SDC4: variants seen among roughly 807,000 people sequenced by gnomAD.
The protein encoded by SDC4 is syndecan 4, also known as syndecan-4.
A neutral mutation model predicts 20.5 loss-of-function variants in SDC4; 17 were observed. The ratio of observed to expected loss-of-function variants is 0.83; its 90% confidence interval spans 0.57 to 1.25. The LOEUF (loss-of-function observed/expected upper bound fraction) is 1.25. Ranked by LOEUF, SDC4 falls within the 50% of genes most tolerant of loss-of-function variation. The pLI, the probability that SDC4 is intolerant of heterozygous loss-of-function variation, is 0.00. For missense variants in SDC4, 241 were observed against 252.3 expected (o/e 0.96, Z 0.30); for synonymous variants, 107 against 105.3 (o/e 1.02, Z -0.10).
chr20:45,344,268 T>C lies in SDC4; in HGVS notation c.60+4057A>G, dbSNP rs1037952379. Among the ~76,000 whole-genome samples, 4 of 150,844 alleles carry C rather than the reference T, an allele frequency of 2.7e-5. No homozygotes were observed. The East Asian group carries it at 8.0e-4, about 30-fold the overall frequency. On this transcript the variant is annotated intron_variant, in intron 1 of 4. Transcript: ENST00000372733. Reference sequence around the variant, plus strand: ...CAAGGGGCTGTGAAAGTGCGGGACCTAGTACAAACATGTCCTGTATGTCCC... The same window carrying C: ...CAAGGGGCTGTGAAAGTGCGGGACCCAGTACAAACATGTCCTGTATGTCCC...
chr20:45,340,147 T>C (rs1213154005), intron 1 of SDC4, among the ~76,000 whole-genome samples: 3 of 152,152 alleles, frequency 2.0e-5, no homozygotes, highest in East Asian at 3.9e-4. Flanking sequence ...CTTTTGGCTA[T>C]AGGCATGAAG....
At chr20:45,331,157 G>T (rs945891112) in intron 3 of SDC4, among the ~76,000 whole-genome samples, 1 of 152,142 alleles carries the variant, frequency 6.6e-6, no homozygotes, top group South Asian at 2.1e-4. Flanking sequence ...GGGATGAGAC[G>T]GAGGAGACTC....
chr20:45,332,862 C>A (rs112134371), intron 3 of SDC4, among the ~76,000 whole-genome samples, 161 bp downstream of exon 3: 6,366 of 152,328 alleles, frequency 0.042, 491 homozygotes, highest in African/African-American at 0.15. Flanking sequence ...CAGGCCTGAG[C>A]CACCATGCCC....
chr20:45,333,497 C>T (rs992508148), intron 2 of SDC4, among the ~76,000 whole-genome samples: 7 of 152,132 alleles, frequency 4.6e-5, no homozygotes, highest in African/African-American at 7.2e-5. Flanking sequence ...AGTGAAACCC[C>T]GTCTCTGCTG....
At position 45,338,782 on chromosome 20, in the gene SDC4, T is replaced by C. The variant is rs139922199; in HGVS notation, c.61-2862A>G. On this transcript the variant is annotated intron_variant, in intron 1 of 4. Coordinates refer to ENST00000372733, the MANE Select transcript of SDC4 (RefSeq NM_002999.4). ...CATCCTTAACCCTTCATTTTTATAC[T>C]CAGTTTCCAAAAAAGAAACTAGTCT... Among the ~76,000 whole-genome samples the C allele has an allele frequency of 3.6e-3, 544 of 152,258 alleles. 3 individuals are homozygous for C. Among genetic ancestry groups the C allele is most frequent in the African/African-American group, 0.013 (530 of 41,536 alleles).
intron 1 of SDC4, among the ~76,000 whole-genome samples, chr20:45,346,102 A>G (rs549023161): frequency 6.6e-6 from 1 of 152,308 alleles, no homozygotes; most frequent in African/African-American, 2.4e-5. Flanking sequence ...TCTGTCATAT[A>G]AAAAGTACTC....
At chr20:45,346,554 C>T (rs1364484177) in intron 1 of SDC4, among the ~76,000 whole-genome samples, 1 of 152,182 alleles carries the variant, frequency 6.6e-6, no homozygotes, top group Non-Finnish European at 1.5e-5. Context: ...TGTGACTGGG[C>T]ACACGGTGAC....
At chr20:45,347,282 GACTC>G (rs956627158) in intron 1 of SDC4, among the ~76,000 whole-genome samples, 13 of 152,286 alleles carry the variant, frequency 8.5e-5, no homozygotes, top group African/African-American at 2.9e-4. Context: ...AAACTGCAAG[GACTC>G]ACTCGCTCTG....
rs545877401 is a variant in SDC4 at position 45,340,645 on chromosome 20, CTG to C, written c.61-4727_61-4726del. On this transcript the variant is annotated intron_variant, in intron 1 of 4. Transcript: ENST00000372733. ...GAGTTCAGGGTCAGGGCTTGGATAA[CTG>C]TGAACTAATGAGAGCCTCTCCCGAC... 4.6e-5 allele frequency among the ~76,000 whole-genome samples: 7 copies of C among 152,352 alleles called. No homozygotes were observed. The South Asian group carries it at 1.4e-3, about 32-fold the overall frequency.
chr20:45,342,962 G>A (rs547758869), intron 1 of SDC4, among the ~76,000 whole-genome samples: 3 of 152,294 alleles, frequency 2.0e-5, no homozygotes, highest in South Asian at 4.1e-4. Flanking sequence ...GATGACCTTT[G>A]AGTGCCACAG....
At chr20:45,341,555 TA>T (rs1251266242) in intron 1 of SDC4, among the ~76,000 whole-genome samples, 1 of 151,686 alleles carries the variant, frequency 6.6e-6, no homozygotes, top group Non-Finnish European at 1.5e-5. Context: ...AGGGACAAAA[TA>T]AATAAATAAA....
chr20:45,347,890 C>A lies in SDC4; in HGVS notation c.60+435G>T, dbSNP rs73617499. Among the ~76,000 whole-genome samples, 181 of 152,166 alleles carry A rather than the reference C, an allele frequency of 1.2e-3. 3 individuals carry two copies. The East Asian group carries it at 0.029, about 24-fold the overall frequency. On this transcript the variant is annotated intron_variant, in intron 1 of 4. Coordinates refer to ENST00000372733, the MANE Select transcript of SDC4 (RefSeq NM_002999.4). ...CTCGCACAACCCTAAAACCCTCCCCCTTCCGAGTACACGCAGCCCCCCGAC... is the reference window on the plus strand; with the variant it reads ...CTCGCACAACCCTAAAACCCTCCCCATTCCGAGTACACGCAGCCCCCCGAC...
Position 45,327,303 on chromosome 20 carries a change from G to T in SDC4, c.558C>A (p.Pro186=). Residue 186 remains proline, a synonymous_variant, in exon 5 of 5, where the codon CCC becomes CCA. Coordinates refer to ENST00000372733, the MANE Select transcript of SDC4 (RefSeq NM_002999.4). The part of the protein sequence containing the change: ...DEGSYDLGKK[P]IYKKAPTNEF... The stretch of plus-strand genomic sequence containing the variant: ...CATTGGTGGGGGCTTTCTTGTAGAT[G>T]GGTTTCTTGCCCAGGTCATAGCTGC... The T allele has an allele frequency of 6.2e-7, 1 of 1,614,176 alleles. No homozygotes were observed. The highest frequency in any genetic ancestry group is 2.2e-5 in the East Asian group (1 of 44,880).
intron 1 of SDC4, among the ~76,000 whole-genome samples, chr20:45,337,858 T>C (rs1227652138): frequency 2.6e-5 from 4 of 152,200 alleles, no homozygotes; most frequent in Admixed American, 6.5e-5. Flanking sequence ...GGGAGAATGC[T>C]GAACGCTTGG....
At chr20:45,333,139 G>C in intron 2 of SDC4, 70 bp from the exon 3 acceptor site, 2 of 1,427,904 alleles carry the variant, frequency 1.4e-6, no homozygotes, top group African/African-American at 1.4e-5. Context: ...AGCCAGGACT[G>C]GTGGGAGCTC....
intron 4 of SDC4, among the ~76,000 whole-genome samples, chr20:45,327,998 C>T (rs529533968): frequency 1.3e-5 from 2 of 152,298 alleles, no homozygotes; most frequent in African/African-American, 2.4e-5. Flanking sequence ...AAACACCACG[C>T]GGACTCCCCT....
intron 3 of SDC4, 43 bp downstream of exon 3, chr20:45,332,980 T>C: frequency 6.3e-7 from 1 of 1,588,048 alleles, no homozygotes; most frequent in Non-Finnish European, 8.6e-7. Context: ...AGGTCTGCTA[T>C]AGAGGAGCAA....
At chr20:45,344,282 C>T (rs559993461) in intron 1 of SDC4, among the ~76,000 whole-genome samples, 1 of 128,308 alleles carries the variant, frequency 7.8e-6, no homozygotes, top group African/African-American at 2.7e-5. Flanking sequence ...ACAAACATGT[C>T]CTGTATGTCC....
rs756532710 is a variant in SDC4 at position 45,330,936 on chromosome 20, C to T, written c.247-372G>A. The stretch of plus-strand genomic sequence containing the variant: ...CCTGGAAACTCTATTGTAAGGAGCT[C>T]TTCAGAGACTACGTGTAAAAGATGC... On this transcript the variant is annotated intron_variant, in intron 3 of 4. Transcript: ENST00000372733. Among the ~76,000 whole-genome samples, 27 of 152,194 alleles carry T rather than the reference C, an allele frequency of 1.8e-4. 1 individual carries two copies. The highest frequency in any genetic ancestry group is 1.2e-3 in the Admixed American group (18 of 15,278).
Sources: gnomAD v4.1 joint callset for allele counts (sites outside exome capture counted in the v4.1 genomes callset) on GRCh38, gnomAD v4.1.1 for gene constraint, MANE v1.5 for transcripts, NCBI Gene and HGNC (gene_info 2026-07-23, HGNC 2026-07-21) for gene names.